Variants in COL6A6 observed in about 807,000 individuals in gnomAD.
The protein encoded by COL6A6 is collagen type VI alpha 6 chain.
In COL6A6, 183 loss-of-function variants were observed where a neutral mutation model predicts 208.6. That is an observed-to-expected ratio of 0.88 (90% CI 0.78 to 0.99). COL6A6 has a LOEUF of 0.99. Among genes scored for constraint, COL6A6 ranks in the 50% least tolerant of loss-of-function variants. COL6A6 has a pLI of 0.00. For missense variants in COL6A6, 2,816 were observed against 2,815.2 expected (o/e 1.00, Z -0.01); for synonymous variants, 973 against 1,011.8 (o/e 0.96, Z 0.73).
intron 10 of COL6A6, among the ~76,000 whole-genome samples, chr3:130,584,041 A>T (rs918141289): frequency 2.0e-5 from 3 of 152,136 alleles, no homozygotes; most frequent in East Asian, 3.9e-4. Flanking sequence ...AAATTAATTA[A>T]TTTTTTAGAA....
At chr3:130,589,910 CA>C in intron 12 of COL6A6, 1 of 385,012 alleles carries the variant, frequency 2.6e-6, no homozygotes, top group Non-Finnish European at 5.3e-6. Context: ...CCCAAATCAC[CA>C]GGGCTATGTC....
At chr3:130,522,798 C>A (rs1711148556) in intron 1 of COL6A6, among the ~76,000 whole-genome samples, 1 of 152,082 alleles carries the variant, frequency 6.6e-6, no homozygotes, top group African/African-American at 2.4e-5. Flanking sequence ...GTCTCCAAGT[C>A]TTACAAATTT....
intron 34 of COL6A6, among the ~76,000 whole-genome samples, chr3:130,660,741 C>A (rs1279724538): frequency 6.6e-6 from 1 of 152,226 alleles, no homozygotes; most frequent in African/African-American, 2.4e-5. Context: ...AGCATCCCAG[C>A]TCTCAGGCCA....
intron 1 of COL6A6, among the ~76,000 whole-genome samples, chr3:130,547,584 C>T (rs2062544416): frequency 1.3e-5 from 2 of 152,344 alleles, no homozygotes; most frequent in African/African-American, 2.4e-5. Context: ...GGGCTGAGAA[C>T]GAGTGAGGGC....
rs77685098 is a variant in COL6A6 at position 130,589,194 on chromosome 3, T to A, written c.4218+12T>A. ...CACCAGGGAAAAGGGTGATTTTAGCTCAGATTTATGGGTTACTTTGAGTTG... is the reference window on the plus strand; with the variant it reads ...CACCAGGGAAAAGGGTGATTTTAGCACAGATTTATGGGTTACTTTGAGTTG... On this transcript the variant is annotated intron_variant, in intron 12 of 36. Coordinates refer to ENST00000358511, the MANE Select transcript of COL6A6 (RefSeq NM_001102608.3). 6.5e-3 allele frequency: 10,416 copies of A among 1,594,944 alleles called. 296 individuals are homozygous for A. The East Asian group carries it at 0.076, about 12-fold the overall frequency.
At chr3:130,576,771 A>G (rs2063308027) in intron 8 of COL6A6, among the ~76,000 whole-genome samples, 1 of 152,242 alleles carries the variant, frequency 6.6e-6, no homozygotes, top group Admixed American at 6.5e-5. Context: ...TGAAGCTGGA[A>G]TGAACACTGA....
At chr3:130,546,656 T>A (rs998191746) in intron 1 of COL6A6, among the ~76,000 whole-genome samples, 3 of 152,060 alleles carry the variant, frequency 2.0e-5, no homozygotes, top group Non-Finnish European at 4.4e-5. Flanking sequence ...ATTGGTGCAT[T>A]TACAATCCTC....
intron 33 of COL6A6, among the ~76,000 whole-genome samples, chr3:130,657,270 A>G (rs1196824243): frequency 6.6e-6 from 1 of 152,244 alleles, no homozygotes; most frequent in Non-Finnish European, 1.5e-5. Flanking sequence ...ACAGCCTGCC[A>G]GGCTGAATGA....
intron 20 of COL6A6, among the ~76,000 whole-genome samples, chr3:130,601,718 AAATGGCAGAGT>A (rs1207642324): frequency 6.6e-6 from 1 of 152,248 alleles, no homozygotes; most frequent in Non-Finnish European, 1.5e-5. Flanking sequence ...ACTTCAGTTG[AAATGGCAGAGT>A]AAAGCTGTTT....
chr3:130,616,844 A>G (rs1197277812), intron 23 of COL6A6, among the ~76,000 whole-genome samples: 1 of 152,160 alleles, frequency 6.6e-6, no homozygotes, highest in Non-Finnish European at 1.5e-5. Flanking sequence ...TGGGGAATTT[A>G]TGTAACCACC....
At chr3:130,527,816 G>A (rs1487207880) in intron 1 of COL6A6, among the ~76,000 whole-genome samples, 3 of 151,240 alleles carry the variant, frequency 2.0e-5, no homozygotes, top group Non-Finnish European at 2.9e-5. Context: ...GGACCTTCTA[G>A]GCTGCATCCC....
chr3:130,523,452 A>T (rs565617931), intron 1 of COL6A6, among the ~76,000 whole-genome samples: 3 of 152,200 alleles, frequency 2.0e-5, no homozygotes, highest in Admixed American at 6.5e-5. Context: ...AGCTGAAATC[A>T]GGTTCCTTAC....
At chr3:130,626,658 T>A in intron 25 of COL6A6, 111 bp downstream of exon 25, 1 of 750,934 alleles carries the variant, frequency 1.3e-6, no homozygotes, top group East Asian at 2.5e-5. Context: ...CATGAAGTTT[T>A]ATAGTTTTAT....
chr3:130,657,023 C>T lies in COL6A6; in HGVS notation c.5734-1653C>T, dbSNP rs141234483. ...GTGCAGAAATGCCTGGGCCCACAGCCGCAGCCAGACGGCTGCAACTGCTCC... is the reference window on the plus strand; with the variant it reads ...GTGCAGAAATGCCTGGGCCCACAGCTGCAGCCAGACGGCTGCAACTGCTCC... On this transcript the variant is annotated intron_variant, in intron 33 of 36. Transcript: ENST00000358511. Among the ~76,000 whole-genome samples the T allele has an allele frequency of 1.1e-4, 16 of 152,360 alleles. No individual in the cohort carries two copies. In the South Asian group the frequency reaches 1.9e-3, roughly 18 times the overall value.
chr3:130,588,666 C>T (rs2063598174), intron 11 of COL6A6, among the ~76,000 whole-genome samples: 2 of 152,060 alleles, frequency 1.3e-5, no homozygotes, highest in South Asian at 4.1e-4. Flanking sequence ...CAAGATTTCA[C>T]AAAATGAGGA....
At chr3:130,604,231 C>G (rs1387117139) in intron 20 of COL6A6, among the ~76,000 whole-genome samples, 1 of 152,172 alleles carries the variant, frequency 6.6e-6, no homozygotes, top group African/African-American at 2.4e-5. Flanking sequence ...TGGTGGCTCA[C>G]GCCTGTAATC....
At chr3:130,517,969 T>C (rs1389776680) in intron 1 of COL6A6, among the ~76,000 whole-genome samples, 1 of 152,176 alleles carries the variant, frequency 6.6e-6, no homozygotes, top group Admixed American at 6.5e-5. Flanking sequence ...CCCAGAAACA[T>C]TCTACTCTGA....
At chr3:130,550,267 A>G (rs1113277) in intron 1 of COL6A6, among the ~76,000 whole-genome samples, 121,135 of 152,128 alleles carry the variant, frequency 0.8, 48,869 homozygotes, top group Non-Finnish European at 0.86. Context: ...GGGAAAATTC[A>G]ACTTCCTCTT....
At chr3:130,560,198 A>G (rs552101447) in intron 1 of COL6A6, 136 bp from the exon 2 acceptor site, 14 of 544,488 alleles carry the variant, frequency 2.6e-5, no homozygotes, top group Non-Finnish European at 4.5e-5. Context: ...TTCACATATT[A>G]GAAGGTCAGT....
Sources: allele counts gnomAD v4.1 joint callset (sites outside exome capture counted in the v4.1 genomes callset), GRCh38; gene constraint gnomAD v4.1.1; transcripts MANE v1.5; gene names NCBI Gene and HGNC (gene_info 2026-07-23, HGNC 2026-07-21).